The following CACNG3 variants were observed in gnomAD, a reference collection of about 807,000 sequenced individuals.
The protein encoded by CACNG3 is voltage-dependent calcium channel gamma-3 subunit.
CACNG3 carries 3 observed loss-of-function variants against 28.5 expected under a neutral mutation model. That is an observed-to-expected ratio of 0.11 (90% CI 0.05 to 0.27). The LOEUF (loss-of-function observed/expected upper bound fraction) is 0.27. CACNG3 is among the 10% of genes least tolerant of loss of function. The probability of loss-of-function intolerance (pLI) is 1.00; values close to 1 mark genes in which losing one functional copy is unlikely to be tolerated. For synonymous variants in CACNG3, 174 were observed against 162.2 expected, an observed-to-expected ratio of 1.07 and a Z score of -0.55; for missense variants, 236 against 414.4, an observed-to-expected ratio of 0.57 and a Z score of 3.74.
intron 1 of CACNG3, among the ~76,000 whole-genome samples, chr16:24,326,113 A>T (rs970373420): frequency 3.3e-5 from 5 of 152,054 alleles, no homozygotes; most frequent in African/African-American, 1.2e-4. Flanking sequence ...CTGTAGCCCC[A>T]GCCCACTAGC....
Position 24,256,714 on chromosome 16 carries a change from C to A in CACNG3, c.-41C>A, listed in dbSNP as rs1432709473. On this transcript the variant is annotated 5_prime_UTR_variant, in exon 1 of 4. Coordinates refer to ENST00000005284, the MANE Select transcript of CACNG3 (RefSeq NM_006539.4). This position sits in a 1 kb window ranked among gnomAD's most constrained non-coding sequence, Gnocchi z 4.6. ...GATTTTCCCCTCCGGCACTGACTCT[C>A]CCCCTCCAACCCCCAGCCGTCCAGA... The A allele has an allele frequency of 8.8e-6, 12 of 1,369,398 alleles. No homozygotes were observed. Among genetic ancestry groups the A allele is most frequent in the Non-Finnish European group, 1.1e-5 (11 of 957,622 alleles). 84.8% of individuals were successfully genotyped at this position (1,369,398 alleles called of 1,614,324 possible).
chr16:24,260,474 T>C (rs1196925714), intron 1 of CACNG3, among the ~76,000 whole-genome samples: 2 of 152,204 alleles, frequency 1.3e-5, no homozygotes, highest in Non-Finnish European at 2.9e-5. Flanking sequence ...AACTGAGCCC[T>C]GGGGGATTTA....
chr16:24,358,349 T>C (rs1900063027), intron 3 of CACNG3, among the ~76,000 whole-genome samples: 3 of 152,214 alleles, frequency 2.0e-5, no homozygotes, highest in African/African-American at 4.8e-5. Flanking sequence ...TGTGCTTCCA[T>C]TTATTTCTCC....
At chr16:24,354,385 T>C (rs1472911965) in intron 2 of CACNG3, among the ~76,000 whole-genome samples, 1 of 152,040 alleles carries the variant, frequency 6.6e-6, no homozygotes, top group African/African-American at 2.4e-5. Context: ...CTTGTGTCCG[T>C]GCCTGGGCTC....
At chr16:24,352,175 T>G (rs1432564160) in intron 2 of CACNG3, among the ~76,000 whole-genome samples, 2 of 151,982 alleles carry the variant, frequency 1.3e-5, no homozygotes, top group African/African-American at 4.8e-5. Context: ...CGAATGAAAG[T>G]GCAGTACCAA....
chr16:24,288,075 C>T (rs916048263), intron 1 of CACNG3, among the ~76,000 whole-genome samples: 11 of 152,152 alleles, frequency 7.2e-5, no homozygotes, highest in African/African-American at 2.7e-4. Flanking sequence ...ATTTAATAAA[C>T]ATTAACTCAA....
intron 1 of CACNG3, among the ~76,000 whole-genome samples, chr16:24,291,045 G>T (rs1025205135): frequency 6.6e-6 from 1 of 152,182 alleles, no homozygotes; most frequent in Non-Finnish European, 1.5e-5. Flanking sequence ...TACTAGCCAG[G>T]TGACCTTGGG....
chr16:24,348,012 C>A (rs1479527331), intron 2 of CACNG3, among the ~76,000 whole-genome samples: 1 of 152,160 alleles, frequency 6.6e-6, no homozygotes, highest in Non-Finnish European at 1.5e-5. Context: ...AAATTCACTG[C>A]AGAGATGAGC....
intron 2 of CACNG3, among the ~76,000 whole-genome samples, chr16:24,350,202 T>A (rs1168111894): frequency 1.3e-5 from 2 of 152,240 alleles, no homozygotes; most frequent in African/African-American, 2.4e-5. Context: ...TGCTTGTATC[T>A]CATTTGAGGG....
chr16:24,327,806 G>A (rs543499762), intron 1 of CACNG3, among the ~76,000 whole-genome samples: 99 of 151,932 alleles, frequency 6.5e-4, no homozygotes, highest in African/African-American at 2.3e-3. Flanking sequence ...ATGGAGCATA[G>A]TGGTGAGCAA....
chr16:24,352,282 C>T (rs1387661436), intron 2 of CACNG3, among the ~76,000 whole-genome samples: 2 of 152,104 alleles, frequency 1.3e-5, no homozygotes, highest in African/African-American at 4.8e-5. Flanking sequence ...CTTTGAACCC[C>T]TGAGCCAAAA....
At chr16:24,270,363 ATGTAT>A (rs1466293995) in intron 1 of CACNG3, among the ~76,000 whole-genome samples, 1 of 152,222 alleles carries the variant, frequency 6.6e-6, no homozygotes, top group Non-Finnish European at 1.5e-5. Flanking sequence ...GCCCTAAAAT[ATGTAT>A]TACCAAGTAA....
chr16:24,272,907 T>C (rs576630148), intron 1 of CACNG3, among the ~76,000 whole-genome samples: 2 of 152,290 alleles, frequency 1.3e-5, no homozygotes, highest in African/African-American at 4.8e-5. Context: ...TAAATTTGTG[T>C]CATGGGGGAT....
chr16:24,344,005 C>T (rs994554849), intron 1 of CACNG3, among the ~76,000 whole-genome samples: 1 of 152,022 alleles, frequency 6.6e-6, no homozygotes, highest in Admixed American at 6.6e-5. Flanking sequence ...AGGAGAATGG[C>T]GTGAGCAGAG....
chr16:24,357,493 A>C (rs1465232899), intron 3 of CACNG3, among the ~76,000 whole-genome samples: 1 of 152,176 alleles, frequency 6.6e-6, no homozygotes, highest in Non-Finnish European at 1.5e-5. Flanking sequence ...CTGGAGCCCC[A>C]CAAGATCTTG....
At chr16:24,324,855 T>A (rs1167932602) in intron 1 of CACNG3, among the ~76,000 whole-genome samples, 1 of 152,170 alleles carries the variant, frequency 6.6e-6, no homozygotes, top group Non-Finnish European at 1.5e-5. Flanking sequence ...CTGCACTGCT[T>A]GCCCTGATTT....
chr16:24,327,629 AAAAACAAAAC>A (rs149937641), intron 1 of CACNG3, among the ~76,000 whole-genome samples: 3,564 of 150,088 alleles, frequency 0.024, 120 homozygotes, highest in African/African-American at 0.074. Context: ...CAAAAAAAAC[AAAAACAAAAC>A]AAAACAAAAC....
intron 1 of CACNG3, among the ~76,000 whole-genome samples, chr16:24,343,927 G>C (rs185038852): frequency 3.8e-4 from 58 of 151,944 alleles, no homozygotes; most frequent in African/African-American, 1.4e-3. Context: ...GTCTCTACTA[G>C]AAATACAAAA....
At chr16:24,347,956 G>A (rs552332826) in intron 2 of CACNG3, among the ~76,000 whole-genome samples, 1 of 152,312 alleles carries the variant, frequency 6.6e-6, no homozygotes, top group South Asian at 2.1e-4. Flanking sequence ...ATAGTCAGGA[G>A]GCAATATGCA....
Sources: gnomAD v4.1 joint callset for allele counts (sites outside exome capture counted in the v4.1 genomes callset) on GRCh38, gnomAD v4.1.1 for gene constraint, Gnocchi (gnomAD v3.1) non-coding constraint, MANE v1.5 for transcripts, NCBI Gene and HGNC (gene_info 2026-07-23, HGNC 2026-07-21) for gene names.